Variants in GRIK2 observed in about 807,000 individuals in gnomAD.
The protein encoded by GRIK2 is glutamate ionotropic receptor kainate type subunit 2.
GRIK2 carries 32 observed loss-of-function variants against 100.3 expected under a neutral mutation model. The observed-to-expected ratio is 0.32, with a 90% CI of 0.24 to 0.43. The LOEUF is 0.43. Ranked by LOEUF, GRIK2 falls within the 20% of genes least tolerant of loss-of-function variation. GRIK2 has a pLI of 1.00. For synonymous variants in GRIK2, 417 were observed against 389.4 expected (o/e 1.07, Z -0.83); for missense variants, 843 against 1,114.9 (o/e 0.76, Z 3.47).
chr6:101,806,626 G>GGT lies in GRIK2; in HGVS notation c.1203+4188_1203+4189insGT, dbSNP rs111581345. On this transcript the variant is annotated intron_variant, in intron 9 of 16. Transcript: ENST00000369134. ...TTTTCTTCTGCCCTACCTACAGAGG[G>GGT]TTTTTTTTTTTTTCTCATTTCCTCA... 4.2e-3 allele frequency among the ~76,000 whole-genome samples: 594 copies of GGT among 141,666 alleles called. 4 individuals carry two copies. Among genetic ancestry groups the GGT allele is most frequent in the African/African-American group, 0.014 (563 of 39,022 alleles). The allele number at this position is 141,666 out of a possible 152,430, so 92.9% of individuals were successfully genotyped here.
At chr6:101,685,763 A>G (rs529197378) in intron 6 of GRIK2, among the ~76,000 whole-genome samples, 2 of 152,122 alleles carry the variant, frequency 1.3e-5, no homozygotes, top group African/African-American at 4.8e-5. Context: ...AAAAACAACA[A>G]TCAAACAAAG....
At chr6:101,397,423 A>G (rs1775054532) in intron 1 of GRIK2, among the ~76,000 whole-genome samples, 1 of 152,200 alleles carries the variant, frequency 6.6e-6, no homozygotes, top group South Asian at 2.1e-4. Context: ...TGGTTTTAGC[A>G]CTAGGTGTTC....
At chr6:101,656,922 AGACTAAGTACTATATT>A (rs1769231229) in intron 4 of GRIK2, among the ~76,000 whole-genome samples, 2 of 152,204 alleles carry the variant, frequency 1.3e-5, no homozygotes, top group Non-Finnish European at 2.9e-5. Flanking sequence ...CTGGAGGCAA[AGACTAAGTACTATATT>A]TGGAGAAAGA....
chr6:101,600,617 C>T (rs1240332483), intron 2 of GRIK2, among the ~76,000 whole-genome samples: 1 of 151,264 alleles, frequency 6.6e-6, no homozygotes, highest in Non-Finnish European at 1.5e-5. Context: ...GAACTTTCAC[C>T]CTGTTGGTTA....
intron 10 of GRIK2, among the ~76,000 whole-genome samples, chr6:101,823,873 T>TTTG (rs1562416655): frequency 6.6e-6 from 1 of 150,766 alleles, no homozygotes; most frequent in East Asian, 2.0e-4. Flanking sequence ...TTTTTTTTTT[T>TTTG]TTGTTTTTTT....
chr6:101,704,540 T>G (rs1398048135), intron 7 of GRIK2, among the ~76,000 whole-genome samples: 6 of 151,860 alleles, frequency 4.0e-5, no homozygotes, highest in Middle Eastern at 3.2e-3. Context: ...CTATTATTCA[T>G]TATGTTTTTA....
At chr6:101,760,159 G>A (rs1354595252) in intron 7 of GRIK2, among the ~76,000 whole-genome samples, 5 of 145,988 alleles carry the variant, frequency 3.4e-5, no homozygotes, top group Non-Finnish European at 4.4e-5. Flanking sequence ...GTGAGCCACC[G>A]CGCCCGGCCA....
chr6:101,672,888 C>T (rs751167430), intron 4 of GRIK2, among the ~76,000 whole-genome samples: 5 of 152,166 alleles, frequency 3.3e-5, no homozygotes, highest in Non-Finnish European at 7.3e-5. Flanking sequence ...TGAACATACA[C>T]ATGCATGTTT....
intron 2 of GRIK2, among the ~76,000 whole-genome samples, chr6:101,432,333 A>G (rs1162040768): frequency 6.6e-6 from 1 of 152,194 alleles, no homozygotes; most frequent in African/African-American, 2.4e-5. Context: ...TACTAGAAAG[A>G]TGAGTCTTTG....
chr6:102,007,804 G>A (rs776603441), intron 14 of GRIK2, among the ~76,000 whole-genome samples: 2 of 152,050 alleles, frequency 1.3e-5, no homozygotes, highest in East Asian at 3.9e-4. Flanking sequence ...CTGGGATTAA[G>A]TAGATGGCAA....
intron 7 of GRIK2, among the ~76,000 whole-genome samples, chr6:101,746,392 T>A (rs1422733680): frequency 2.0e-5 from 3 of 152,188 alleles, no homozygotes; most frequent in Non-Finnish European, 2.9e-5. Flanking sequence ...AGTGGCATGA[T>A]CTCGGCTCAC....
chr6:101,716,716 T>C (rs1051400982), intron 7 of GRIK2, among the ~76,000 whole-genome samples: 1 of 151,662 alleles, frequency 6.6e-6, no homozygotes, highest in African/African-American at 2.4e-5. Context: ...AACCTGCATG[T>C]TGTGCACACG....
chr6:101,751,254 T>G (rs1776768938), intron 7 of GRIK2, among the ~76,000 whole-genome samples: 1 of 150,640 alleles, frequency 6.6e-6, no homozygotes, highest in Non-Finnish European at 1.5e-5. Context: ...CTAAATTTCT[T>G]TTTTTTTTAT....
At chr6:101,746,523 C>T (rs997830560) in intron 7 of GRIK2, among the ~76,000 whole-genome samples, 4 of 152,044 alleles carry the variant, frequency 2.6e-5, no homozygotes, top group African/African-American at 9.7e-5. Context: ...GGCAGGGTTT[C>T]ACCATGTTGG....
At chr6:102,002,177 T>C (rs987017999) in intron 14 of GRIK2, among the ~76,000 whole-genome samples, 2 of 150,674 alleles carry the variant, frequency 1.3e-5, no homozygotes, top group Non-Finnish European at 3.0e-5. Context: ...ATTTGATTAT[T>C]ACTATTTAGG....
chr6:101,409,946 T>C (rs1775805868), intron 2 of GRIK2, among the ~76,000 whole-genome samples: 1 of 152,080 alleles, frequency 6.6e-6, no homozygotes. Flanking sequence ...CCTTGAAATA[T>C]ACCTCAATTA....
intron 7 of GRIK2, among the ~76,000 whole-genome samples, chr6:101,767,307 T>G (rs1222010447): frequency 1.3e-5 from 2 of 152,140 alleles, no homozygotes; most frequent in African/African-American, 4.8e-5. Context: ...AGAGTATTCT[T>G]CTCACAGAAT....
intron 12 of GRIK2, among the ~76,000 whole-genome samples, chr6:101,903,945 T>C (rs985973937): frequency 6.6e-6 from 1 of 151,578 alleles, no homozygotes; most frequent in African/African-American, 2.4e-5. Flanking sequence ...GAGAACTATG[T>C]AGTAGAGTTT....
chr6:102,010,453 G>A (rs1289821196), intron 14 of GRIK2, among the ~76,000 whole-genome samples: 1 of 151,208 alleles, frequency 6.6e-6, no homozygotes, highest in East Asian at 2.0e-4. Flanking sequence ...GTGCAATCTA[G>A]GCTCACTGCA....
Sources: allele counts gnomAD v4.1 joint callset (sites outside exome capture counted in the v4.1 genomes callset), GRCh38; gene constraint gnomAD v4.1.1; transcripts MANE v1.5; gene names NCBI Gene and HGNC (gene_info 2026-07-23, HGNC 2026-07-21).